The following GNAO1 variants were observed in gnomAD, a reference collection of about 807,000 sequenced individuals.
GNAO1 encodes the protein guanine nucleotide-binding protein G(o) subunit alpha.
For synonymous variants in GNAO1, 164 were observed against 180.7 expected, an observed-to-expected ratio of 0.91 and a Z score of 0.74; for missense variants, 166 against 478.7, an observed-to-expected ratio of 0.35 and a Z score of 6.10.
At chr16:56,285,265 C>A (rs945584023) in intron 3 of GNAO1, among the ~76,000 whole-genome samples, 1 of 152,114 alleles carries the variant, frequency 6.6e-6, no homozygotes, top group Non-Finnish European at 1.5e-5. Context: ...CCCACCGCCA[C>A]CATAAGCCCT....
rs150646264 is a variant in GNAO1, at chr16:56,342,001, G to A, written c.723+5141G>A. Among the ~76,000 whole-genome samples the A allele has an allele frequency of 1.4e-3, 213 of 152,300 alleles. 1 individual carries two copies. The highest frequency in any genetic ancestry group is 4.8e-3 in the African/African-American group (201 of 41,566). Reference sequence around the variant, plus strand: ...CACAGCTCTCCTACCTCCTGCCTCCGCCCATCCCCCCATATCAGGCTGAGT... The same window carrying A: ...CACAGCTCTCCTACCTCCTGCCTCCACCCATCCCCCCATATCAGGCTGAGT... On this transcript the variant is annotated intron_variant, in intron 6 of 8. Transcript: ENST00000262493.
chr16:56,311,834 ACT>A lies in GNAO1; in HGVS notation c.304-16794_304-16793del. ...CAGCTGCTGCATGGCCATGGGTGCC[ACT>A]CTGCCTCACCTGTGTTTTAGTTGAC... On this transcript the variant is annotated intron_variant, in intron 3 of 8. Coordinates refer to ENST00000262493, the MANE Select transcript of GNAO1 (RefSeq NM_020988.3). The surrounding 1 kb of genome is among the most constrained non-coding windows in gnomAD (Gnocchi z 5.2). Among the ~76,000 whole-genome samples, 1 of 151,950 alleles carries A rather than the reference ACT, an allele frequency of 6.6e-6. No homozygotes were observed. Among genetic ancestry groups the A allele is most frequent in the South Asian group, 2.1e-4 (1 of 4,804 alleles).
intron 3 of GNAO1, among the ~76,000 whole-genome samples, chr16:56,297,522 G>GGTGTTC (rs2037298803): frequency 7.4e-6 from 1 of 134,330 alleles, no homozygotes; most frequent in South Asian, 2.7e-4. Flanking sequence ...TTGTCTAACT[G>GGTGTTC]GTGTGTGTGT....
chr16:56,202,740 G>A (rs534233100), intron 2 of GNAO1, among the ~76,000 whole-genome samples: 3 of 152,212 alleles, frequency 2.0e-5, no homozygotes, highest in Non-Finnish European at 4.4e-5. Flanking sequence ...TGTGAAGTGA[G>A]AAGAATTAAA....
rs185971110 is a variant in GNAO1, at chr16:56,344,574, C to T, written c.724-6810C>T. ...CTTTGCTCTCCCAGAGAACTCCCAT[C>T]CCTGACTCCTCCGAGTTCTGGAAAT... On this transcript the variant is annotated intron_variant, in intron 6 of 8. Coordinates refer to ENST00000262493, the MANE Select transcript of GNAO1 (RefSeq NM_020988.3). 2.8e-5 allele frequency: 28 copies of T among 986,180 alleles called. No individual in the cohort carries two copies. In the Admixed American group the frequency reaches 1.4e-3, roughly 49 times the overall value. 61.1% of individuals were successfully genotyped at this position (986,180 alleles called of 1,614,324 possible). A position where few individuals can be genotyped will look rare whatever the true frequency, so the allele number is the denominator to read the frequency against.
intron 2 of GNAO1, among the ~76,000 whole-genome samples, chr16:56,242,166 A>G (rs1339828498): frequency 2.0e-5 from 3 of 151,472 alleles, no homozygotes; most frequent in African/African-American, 7.3e-5. Flanking sequence ...TAATGCTGAA[A>G]GGTAACAGTG....
chr16:56,265,637 G>A (rs1394433339), intron 2 of GNAO1, among the ~76,000 whole-genome samples: 5 of 152,162 alleles, frequency 3.3e-5, no homozygotes, highest in East Asian at 1.9e-4. Context: ...AGCTGTGTGG[G>A]CTATAATCTA....
At chr16:56,272,871 C>A (rs1183991560) in intron 2 of GNAO1, among the ~76,000 whole-genome samples, 1 of 152,094 alleles carries the variant, frequency 6.6e-6, no homozygotes, top group African/African-American at 2.4e-5. Flanking sequence ...TCTGCTGGTC[C>A]CAAATGAAGC....
intron 4 of GNAO1, among the ~76,000 whole-genome samples, chr16:56,334,160 A>G (rs978959699): frequency 6.6e-6 from 1 of 152,188 alleles, no homozygotes; most frequent in African/African-American, 2.4e-5. Flanking sequence ...AAGAGCATCA[A>G]ATTGGAAGGG....
At chr16:56,345,865 G>A (rs1439708652) in intron 6 of GNAO1, 1 of 985,510 alleles carries the variant, frequency 1.0e-6, no homozygotes, top group Non-Finnish European at 1.2e-6. Context: ...GGCAAAAGGG[G>A]GATGCTGGCC....
At chr16:56,308,820 AG>A (rs1407177080) in intron 3 of GNAO1, among the ~76,000 whole-genome samples, 3 of 152,018 alleles carry the variant, frequency 2.0e-5, no homozygotes, top group African/African-American at 7.3e-5. Flanking sequence ...GTGGAGAGGG[AG>A]GCAGCAAGAC....
intron 2 of GNAO1, among the ~76,000 whole-genome samples, chr16:56,229,620 G>A (rs909517859): frequency 2.0e-5 from 3 of 151,986 alleles, no homozygotes; most frequent in Non-Finnish European, 4.4e-5. Flanking sequence ...TGGATGGATG[G>A]ATGGATGGAT....
At chr16:56,312,179 C>T (rs1447364201) in intron 3 of GNAO1, among the ~76,000 whole-genome samples, 4 of 152,204 alleles carry the variant, frequency 2.6e-5, no homozygotes, top group African/African-American at 7.2e-5. Context: ...CAGGGCTGCA[C>T]GGGGCTGGCG....
chr16:56,311,326 G>A lies in GNAO1; in HGVS notation c.304-17305G>A, dbSNP rs2037456413. Among the ~76,000 whole-genome samples, 1 of 152,070 alleles carries A rather than the reference G, an allele frequency of 6.6e-6. No homozygotes were observed. Among genetic ancestry groups the A allele is most frequent in the Admixed American group, 6.5e-5 (1 of 15,276 alleles). On this transcript the variant is annotated intron_variant, in intron 3 of 8. Transcript: ENST00000262493. This position sits in a 1 kb window ranked among gnomAD's most constrained non-coding sequence, Gnocchi z 5.2. ...AGAGAGTGAGTGCCAACCTGAGCTG[G>A]TTCCCCCTGCCCCCACTGGGTTAGG...
chr16:56,296,266 T>G (rs1438435644), intron 3 of GNAO1, among the ~76,000 whole-genome samples: 5 of 151,886 alleles, frequency 3.3e-5, no homozygotes, highest in Admixed American at 6.6e-5. Flanking sequence ...GTGTTGTGGG[T>G]TTTTTTTAGA....
chr16:56,268,802 C>T (rs1172441039), intron 2 of GNAO1, among the ~76,000 whole-genome samples: 1 of 152,212 alleles, frequency 6.6e-6, no homozygotes, highest in Non-Finnish European at 1.5e-5. Flanking sequence ...CACACTGTAA[C>T]CAGCATTTTC....
At position 56,356,628 on chromosome 16, in the gene GNAO1, A is replaced by G. The variant is rs1266897073; in HGVS notation, c.*554A>G. 6.5e-6 allele frequency: 1 copy of G among 152,858 alleles called. No homozygotes were observed. The highest frequency in any genetic ancestry group is 1.9e-4 in the East Asian group (1 of 5,198). 9.5% of individuals were successfully genotyped at this position (152,858 alleles called of 1,614,324 possible). On this transcript the variant is annotated 3_prime_UTR_variant, in exon 9 of 9. Transcript: ENST00000262493. ...GCCACTCCCGCCACACGCTCACTCC[A>G]GGTTCGTATAGAAAAAGCACAGCTC...
At chr16:56,271,601 A>G (rs1017189927) in intron 2 of GNAO1, among the ~76,000 whole-genome samples, 1 of 152,054 alleles carries the variant, frequency 6.6e-6, no homozygotes, top group African/African-American at 2.4e-5. Context: ...CTACAGGTGC[A>G]TGCCACCACA....
At chr16:56,312,738 G>C (rs2037472758) in intron 3 of GNAO1, among the ~76,000 whole-genome samples, 1 of 152,264 alleles carries the variant, frequency 6.6e-6, no homozygotes, top group East Asian at 1.9e-4. Context: ...CCAGCCCTGG[G>C]ATGTGCTGCA....
Sources: allele counts gnomAD v4.1 joint callset (sites outside exome capture counted in the v4.1 genomes callset), GRCh38; gene constraint gnomAD v4.1.1; non-coding constraint Gnocchi (gnomAD v3.1); transcripts MANE v1.5; gene names NCBI Gene and HGNC (gene_info 2026-07-23, HGNC 2026-07-21).